Variants in PXDNL observed in about 807,000 individuals in gnomAD.
PXDNL encodes probable oxidoreductase PXDNL.
In PXDNL, 145 loss-of-function variants were observed where a neutral mutation model predicts 150.8. That is an observed-to-expected ratio of 0.96 (90% CI 0.84 to 1.10). The LOEUF is 1.10. Ranked by LOEUF, PXDNL falls within the 50% of genes least tolerant of loss-of-function variation. PXDNL has a pLI of 0.00. For missense variants in PXDNL, 2,087 were observed against 1,873.9 expected (o/e 1.11, Z -2.10); for synonymous variants, 757 against 725.7 (o/e 1.04, Z -0.69).
At chr8:51,458,513 G>C (rs1809989810) in intron 8 of PXDNL, among the ~76,000 whole-genome samples, 1 of 152,030 alleles carries the variant, frequency 6.6e-6, no homozygotes, top group Non-Finnish European at 1.5e-5. Context: ...GAACGTTTTA[G>C]GCATAGATAA....
chr8:51,593,239 A>G (rs897012332), intron 2 of PXDNL, among the ~76,000 whole-genome samples: 1 of 152,202 alleles, frequency 6.6e-6, no homozygotes, highest in Admixed American at 6.5e-5. Flanking sequence ...AGGGAGAAAA[A>G]TAATAGGTGG....
At chr8:51,765,317 C>T (rs2037216522) in intron 1 of PXDNL, among the ~76,000 whole-genome samples, 1 of 152,160 alleles carries the variant, frequency 6.6e-6, no homozygotes. Context: ...ATCCCTTTGG[C>T]TTGGATCTCA....
At chr8:51,804,912 ACCT>A (rs1242567089) in intron 1 of PXDNL, among the ~76,000 whole-genome samples, 2 of 151,326 alleles carry the variant, frequency 1.3e-5, no homozygotes, top group African/African-American at 2.4e-5. Context: ...TTACTCCTCT[ACCT>A]CCTCAAGCTG....
At chr8:51,457,463 A>G (rs2129997799) in intron 9 of PXDNL, 35 bp downstream of exon 9, 1 of 1,508,696 alleles carries the variant, frequency 6.6e-7, no homozygotes, top group South Asian at 1.2e-5. Context: ...TTTCCAGTGC[A>G]GATAATTGAT....
chr8:51,589,817 A>G (rs1224458195), intron 3 of PXDNL, among the ~76,000 whole-genome samples: 2 of 152,308 alleles, frequency 1.3e-5, no homozygotes, highest in East Asian at 3.9e-4. Context: ...AAGATTTGGA[A>G]AATTTGCAGG....
intron 21 of PXDNL, among the ~76,000 whole-genome samples, chr8:51,335,612 C>T (rs1038948642): frequency 6.6e-6 from 1 of 151,412 alleles, no homozygotes; most frequent in Admixed American, 6.6e-5. Context: ...CTGTGAAGAC[C>T]TCATTAACAT....
At chr8:51,713,468 G>C (rs1019247857) in intron 1 of PXDNL, among the ~76,000 whole-genome samples, 2 of 152,200 alleles carry the variant, frequency 1.3e-5, no homozygotes, top group African/African-American at 4.8e-5. Flanking sequence ...CCCAGAAACA[G>C]AGCCTTCTGT....
chr8:51,781,804 G>A, intron 1 of PXDNL, among the ~76,000 whole-genome samples: 1 of 152,118 alleles, frequency 6.6e-6, no homozygotes, highest in East Asian at 1.9e-4. Flanking sequence ...TCCATTTCCA[G>A]ATATTATCCT....
chr8:51,421,988 C>A (rs575414466), intron 14 of PXDNL, among the ~76,000 whole-genome samples: 1 of 152,110 alleles, frequency 6.6e-6, no homozygotes, highest in African/African-American at 2.4e-5. Context: ...AGCAGGCAAG[C>A]GAGCATTACT....
At chr8:51,801,394 C>G (rs1216208574) in intron 1 of PXDNL, among the ~76,000 whole-genome samples, 1 of 152,116 alleles carries the variant, frequency 6.6e-6, no homozygotes, top group Non-Finnish European at 1.5e-5. Flanking sequence ...TAATTTTGCC[C>G]TTTGCCTTGT....
Position 51,453,421 on chromosome 8 carries a change from T to C in PXDNL, c.1249+98A>G. The C allele has an allele frequency of 4.9e-6, 6 of 1,213,324 alleles. 1 individual carries two copies. In the South Asian group the frequency reaches 8.9e-5, roughly 18 times the overall value. The allele number at this position is 1,213,324 out of a possible 1,614,324, so 75.2% of individuals were successfully genotyped here. A position where few individuals can be genotyped will look rare whatever the true frequency, so the allele number is the denominator to read the frequency against. ...TCAAAAAATAATTGGCAAATAAAAA[T>C]ATTTCTCCACTGATGTACATGACAT... On this transcript the variant is annotated intron_variant, in intron 10 of 22. Transcript: ENST00000356297.
At position 51,744,956 on chromosome 8, in the gene PXDNL, GAA is replaced by G. The variant is rs1171359149; in HGVS notation, c.164+64223_164+64224del. 9.5e-5 allele frequency among the ~76,000 whole-genome samples: 11 copies of G among 116,242 alleles called. 1 individual carries two copies. The highest frequency in any genetic ancestry group is 8.7e-4 in the Admixed American group (11 of 12,638). The allele number at this position is 116,242 out of a possible 152,430, so 76.3% of individuals were successfully genotyped here. ...AGAAAGAAAGAAAGAAAGAAAGAAA[GAA>G]AGAAAGAAAGAAAGAAAGAAAGAAA... On this transcript the variant is annotated intron_variant, in intron 1 of 22. Coordinates refer to ENST00000356297, the MANE Select transcript of PXDNL (RefSeq NM_144651.5).
At chr8:51,403,568 C>T (rs1273369349) in intron 17 of PXDNL, among the ~76,000 whole-genome samples, 1 of 152,196 alleles carries the variant, frequency 6.6e-6, no homozygotes, top group Non-Finnish European at 1.5e-5. Context: ...AGACCCATGG[C>T]TTTACACGTC....
chr8:51,438,530 AT>A (rs1287699765), intron 12 of PXDNL, among the ~76,000 whole-genome samples: 1 of 152,192 alleles, frequency 6.6e-6, no homozygotes, highest in Non-Finnish European at 1.5e-5. Flanking sequence ...CCTGGCTAAC[AT>A]GGTGAAACCC....
At chr8:51,756,758 T>G (rs1473430671) in intron 1 of PXDNL, among the ~76,000 whole-genome samples, 1 of 152,194 alleles carries the variant, frequency 6.6e-6, no homozygotes, top group African/African-American at 2.4e-5. Context: ...AAAGATAATT[T>G]CATTTTTATT....
chr8:51,446,790 CAT>C (rs2129924797), intron 12 of PXDNL, among the ~76,000 whole-genome samples: 1 of 152,014 alleles, frequency 6.6e-6, no homozygotes, highest in African/African-American at 2.4e-5. Flanking sequence ...TTAAGGAAAA[CAT>C]AATCATAATT....
intron 2 of PXDNL, among the ~76,000 whole-genome samples, chr8:51,652,249 C>T (rs1436919485): frequency 6.6e-6 from 1 of 151,986 alleles, no homozygotes; most frequent in Non-Finnish European, 1.5e-5. Context: ...AAAAATGTGT[C>T]CTTATTTCTT....
At chr8:51,674,622 T>C (rs1815567641) in intron 1 of PXDNL, among the ~76,000 whole-genome samples, 1 of 152,174 alleles carries the variant, frequency 6.6e-6, no homozygotes, top group Non-Finnish European at 1.5e-5. Context: ...AAATTCCAAG[T>C]GGCATTGGTG....
intron 18 of PXDNL, among the ~76,000 whole-genome samples, chr8:51,374,105 A>C (rs1807220410): frequency 6.6e-6 from 1 of 152,194 alleles, no homozygotes; most frequent in African/African-American, 2.4e-5. Flanking sequence ...TTTTACAAGG[A>C]GATCTGGTCT....
Sources: allele counts gnomAD v4.1 joint callset (sites outside exome capture counted in the v4.1 genomes callset), GRCh38; gene constraint gnomAD v4.1.1; transcripts MANE v1.5; gene names NCBI Gene and HGNC (gene_info 2026-07-23, HGNC 2026-07-21).